Variants in SNX1 observed in about 807,000 individuals in gnomAD.
SNX1 encodes sorting nexin-1.
SNX1 carries 36 observed loss-of-function variants against 71.8 expected under a neutral mutation model. The observed-to-expected ratio is 0.50, with a 90% CI of 0.38 to 0.66. The LOEUF (loss-of-function observed/expected upper bound fraction) is 0.66. Among genes scored for constraint, SNX1 ranks in the 30% least tolerant of loss-of-function variants. The pLI is 0.00. For synonymous variants in SNX1, 254 were observed against 240.7 expected, an observed-to-expected ratio of 1.06 and a Z score of -0.51; for missense variants, 612 against 646.7, an observed-to-expected ratio of 0.95 and a Z score of 0.58.
Position 64,119,248 on chromosome 15 carries a change from C to T in SNX1, c.466+394C>T, listed in dbSNP as rs567365055. 1.2e-4 allele frequency among the ~76,000 whole-genome samples: 18 copies of T among 152,238 alleles called. No individual in the cohort carries two copies. In the East Asian group the frequency reaches 1.4e-3, roughly 11 times the overall value. On this transcript the variant is annotated intron_variant, in intron 4 of 14. Transcript: ENST00000559844. Reference sequence around the variant, plus strand: ...GTCCTCCCGCCTGAGCCACCCCAGCCGCCCAAGTAGCTGGGACTGCAGGCA... The same window carrying T: ...GTCCTCCCGCCTGAGCCACCCCAGCTGCCCAAGTAGCTGGGACTGCAGGCA...
Position 64,134,376 on chromosome 15 carries a change from G to T in SNX1, c.1222-288G>T. ...TGATCTGAGGGAGGCACTTCTGTAAGCCATAGTATTGGTCACTGGCATGAG... is the reference window on the plus strand; with the variant it reads ...TGATCTGAGGGAGGCACTTCTGTAATCCATAGTATTGGTCACTGGCATGAG... On this transcript the variant is annotated intron_variant, in intron 11 of 14. Transcript: ENST00000559844. This position sits in a 1 kb window ranked among gnomAD's most constrained non-coding sequence, Gnocchi z 4.1. 2.8e-6 allele frequency: 1 copy of T among 354,980 alleles called. No homozygotes were observed. The highest frequency in any genetic ancestry group is 5.2e-6 in the Non-Finnish European group (1 of 194,026). The allele number at this position is 354,980 out of a possible 1,614,324, so 22.0% of individuals were successfully genotyped here.
chr15:64,131,778 G>A lies in SNX1; in HGVS notation c.1107G>A (p.Gln369=). The A allele has an allele frequency of 1.2e-6, 2 of 1,614,210 alleles. No individual in the cohort carries two copies. Among genetic ancestry groups the A allele is most frequent in the Non-Finnish European group, 8.5e-7 (1 of 1,180,048 alleles). ...CGGCATTGTCACGGGCACTCTCCCA[G>A]CTGGCTGAGGTGGAAGAAAAAATTG... ...DNTALSRALS[Q]LAEVEEKIEQ... is the part of the protein sequence containing the mutation. The change falls in exon 11 of 15, where the codon CAG becomes CAA. Residue 369 remains glutamine (Q), a synonymous_variant. Coordinates refer to ENST00000559844, the MANE Select transcript of SNX1 (RefSeq NM_003099.5).
chr15:64,123,359 G>A (rs2081214973), intron 4 of SNX1, 144 bp from the exon 5 acceptor site: 2 of 702,888 alleles, frequency 2.8e-6, no homozygotes, highest in African/African-American at 3.6e-5. Flanking sequence ...TGGATTCTAA[G>A]ATTGCATATA....
At chr15:64,107,424 T>C (rs996092161) in intron 1 of SNX1, among the ~76,000 whole-genome samples, 3 of 152,198 alleles carry the variant, frequency 2.0e-5, no homozygotes, top group African/African-American at 7.2e-5. Context: ...AAGTAGTGAA[T>C]GGCTTCGTCA....
chr15:64,118,272 G>A (rs770482220), intron 3 of SNX1, 28 bp downstream of exon 3: 11 of 1,596,740 alleles, frequency 6.9e-6, no homozygotes, highest in African/African-American at 6.8e-5. Flanking sequence ...TGGTCTTATC[G>A]CTTTTAGATA....
At chr15:64,133,347 T>C (rs185464833) in intron 11 of SNX1, among the ~76,000 whole-genome samples, 3 of 152,342 alleles carry the variant, frequency 2.0e-5, no homozygotes, top group Admixed American at 1.3e-4. Context: ...GTAGCAGCAG[T>C]GACAATCCTG....
intron 5 of SNX1, 49 bp from the exon 6 acceptor site, chr15:64,126,030 C>A: frequency 6.3e-7 from 1 of 1,599,384 alleles, no homozygotes; most frequent in Non-Finnish European, 8.6e-7. Flanking sequence ...TTCAAGATAC[C>A]ATCCCCTATT....
intron 1 of SNX1, among the ~76,000 whole-genome samples, chr15:64,110,552 A>G (rs1249478338): frequency 6.6e-6 from 1 of 152,144 alleles, no homozygotes; most frequent in Non-Finnish European, 1.5e-5. Context: ...GCACACCATC[A>G]CGCCAGGCTA....
At chr15:64,136,444 G>A (rs753311425) in intron 13 of SNX1, 34 bp downstream of exon 13, 2 of 1,553,942 alleles carry the variant, frequency 1.3e-6, no homozygotes, top group East Asian at 4.5e-5. Flanking sequence ...CACTTAGCAT[G>A]CAGTGCTTGT....
intron 5 of SNX1, among the ~76,000 whole-genome samples, chr15:64,124,054 A>C (rs946917285): frequency 1.3e-5 from 2 of 150,334 alleles, no homozygotes; most frequent in Admixed American, 6.6e-5. Context: ...CATTGGATCC[A>C]CCTGCGTGTT....
At chr15:64,131,480 G>C in intron 10 of SNX1, 1 of 565,588 alleles carries the variant, frequency 1.8e-6, no homozygotes, top group Non-Finnish European at 3.1e-6. Flanking sequence ...GACAGCTGGT[G>C]CCTCTCCCTC....
At position 64,110,574 on chromosome 15, in the gene SNX1, A is replaced by AT. The variant is rs771258397; in HGVS notation, c.160-1989dup. Among the ~76,000 whole-genome samples, 42 of 149,890 alleles carry AT rather than the reference A, an allele frequency of 2.8e-4. 1 individual carries two copies. Among genetic ancestry groups the AT allele is most frequent in the Admixed American group, 1.4e-3 (21 of 15,020 alleles). The stretch of plus-strand genomic sequence containing the variant: ...ATCACGCCAGGCTACTTTAAAAAAA[A>AT]TTTTTTTTTTAGAGACAGGGCCTCA... On this transcript the variant is annotated intron_variant, in intron 1 of 14. Transcript: ENST00000559844.
intron 5 of SNX1, among the ~76,000 whole-genome samples, chr15:64,124,045 A>G (rs1224868883): frequency 1.3e-5 from 2 of 151,176 alleles, no homozygotes; most frequent in Non-Finnish European, 2.9e-5. Context: ...GTTGAGTATC[A>G]TTGGATCCAC....
At chr15:64,108,358 T>C (rs1484022738) in intron 1 of SNX1, among the ~76,000 whole-genome samples, 1 of 152,198 alleles carries the variant, frequency 6.6e-6, no homozygotes. Flanking sequence ...ACTTTAATAA[T>C]ACTAATAAAA....
At position 64,129,500 on chromosome 15, in the gene SNX1, G is replaced by A. The variant is rs865972111; in HGVS notation, c.808-416G>A. On this transcript the variant is annotated intron_variant, in intron 8 of 14. Coordinates refer to ENST00000559844, the MANE Select transcript of SNX1 (RefSeq NM_003099.5). This position sits in a 1 kb window ranked among gnomAD's most constrained non-coding sequence, Gnocchi z 4.4. ...GATATTTGTTCACTGAAGAAAATTC[G>A]AACACAGCACGATTTCAGTGTCTTA... 2.3e-4 allele frequency among the ~76,000 whole-genome samples: 35 copies of A among 152,214 alleles called. No homozygotes were observed. The highest frequency in any genetic ancestry group is 7.7e-4 in the African/African-American group (32 of 41,530).
chr15:64,137,981 A>T lies in SNX1; in HGVS notation c.*363A>T. On this transcript the variant is annotated 3_prime_UTR_variant, in exon 15 of 15. Transcript: ENST00000559844. Reference sequence around the variant, plus strand: ...CTCCTGATGGTGCCATGAAAAGGTTATGTAATAAAATATTTTAAAATCAGG... The same window carrying T: ...CTCCTGATGGTGCCATGAAAAGGTTTTGTAATAAAATATTTTAAAATCAGG... 6.8e-7 allele frequency: 1 copy of T among 1,461,334 alleles called. No homozygotes were observed. Among genetic ancestry groups the T allele is most frequent in the Admixed American group, 2.7e-5 (1 of 36,898 alleles). 90.5% of individuals were successfully genotyped at this position (1,461,334 alleles called of 1,614,324 possible). A position where few individuals can be genotyped will look rare whatever the true frequency, so the allele number is the denominator to read the frequency against.
intron 1 of SNX1, among the ~76,000 whole-genome samples, chr15:64,098,975 A>G (rs1567314221): frequency 6.6e-6 from 1 of 152,176 alleles, no homozygotes; most frequent in Admixed American, 6.6e-5. Context: ...TCCTGATGTT[A>G]ATCTTCAGGA....
In SNX1 at chr15:64,134,575, G is replaced by A. The variant is rs2081337706; in HGVS notation, c.1222-89G>A. On this transcript the variant is annotated intron_variant, in intron 11 of 14. Coordinates refer to ENST00000559844, the MANE Select transcript of SNX1 (RefSeq NM_003099.5). This position sits in a 1 kb window ranked among gnomAD's most constrained non-coding sequence, Gnocchi z 4.1. ...CCTGCCCTTGCTCAGTCTGTCCCTG[G>A]TGCAGCTGCTGGGAGAGCCTGCCTC... 3 of 1,480,424 alleles carry A rather than the reference G, an allele frequency of 2.0e-6. No homozygotes were observed. The highest frequency in any genetic ancestry group is 2.6e-5 in the South Asian group (2 of 76,514). The allele number at this position is 1,480,424 out of a possible 1,614,324, so 91.7% of individuals were successfully genotyped here.
chr15:64,136,646 G>A (rs1194134103), intron 13 of SNX1, among the ~76,000 whole-genome samples: 3 of 151,964 alleles, frequency 2.0e-5, no homozygotes, highest in Non-Finnish European at 2.9e-5. Flanking sequence ...ATATACCCTC[G>A]GTCCCCTGTC....
Sources: allele counts gnomAD v4.1 joint callset (sites outside exome capture counted in the v4.1 genomes callset), GRCh38; gene constraint gnomAD v4.1.1; non-coding constraint Gnocchi (gnomAD v3.1); transcripts MANE v1.5; gene names NCBI Gene and HGNC (gene_info 2026-07-23, HGNC 2026-07-21).